TTC7B: variants seen among roughly 807,000 people sequenced by gnomAD.
TTC7B encodes the protein tetratricopeptide repeat protein 7B.
In TTC7B, 28 loss-of-function variants were observed where a neutral mutation model predicts 106.8. The ratio of observed to expected loss-of-function variants is 0.26; its 90% CI spans 0.19 to 0.36. TTC7B has a LOEUF of 0.36. Ranked by LOEUF, TTC7B falls within the 10% of genes least tolerant of loss-of-function variation. The probability of loss-of-function intolerance (pLI) is 1.00; values close to 1 mark genes in which losing one functional copy is unlikely to be tolerated. For missense variants in TTC7B, 862 were observed against 1,076.4 expected (o/e 0.80, Z 2.79); for synonymous variants, 405 against 430.6 (o/e 0.94, Z 0.74).
intron 1 of TTC7B, among the ~76,000 whole-genome samples, chr14:90,796,273 C>G (rs1478571434): frequency 6.6e-6 from 1 of 152,190 alleles, no homozygotes; most frequent in East Asian, 1.9e-4. Flanking sequence ...TCGCTTTTCT[C>G]TTGGGCATTA....
In TTC7B at chr14:90,778,506, G is replaced by C. The variant is rs141240430; in HGVS notation, c.445+2232C>G. Among the ~76,000 whole-genome samples the C allele has an allele frequency of 3.0e-3, 453 of 152,332 alleles. 5 individuals are homozygous for C. The highest frequency in any genetic ancestry group is 0.011 in the African/African-American group (443 of 41,572). ...CCCCCAAATAGGAAGCCAACTCCTG[G>C]TACAACTCACCAGCCCCAGGGCAGT... On this transcript the variant is annotated intron_variant, in intron 3 of 19. Coordinates refer to ENST00000328459, the MANE Select transcript of TTC7B (RefSeq NM_001010854.2).
chr14:90,541,710 G>A, intron 19 of TTC7B, 121 bp from the exon 20 acceptor site: 1 of 728,486 alleles, frequency 1.4e-6, no homozygotes, highest in East Asian at 2.9e-5. Context: ...CCATTGGGCT[G>A]GGCCCATAGT....
chr14:90,650,570 C>T (rs546795661), intron 13 of TTC7B, among the ~76,000 whole-genome samples: 2 of 152,260 alleles, frequency 1.3e-5, no homozygotes, highest in East Asian at 1.9e-4. Context: ...AAAGCAAGAT[C>T]GTGTACCCTG....
At chr14:90,711,832 A>C (rs1485919389) in intron 5 of TTC7B, among the ~76,000 whole-genome samples, 1 of 152,268 alleles carries the variant, frequency 6.6e-6, no homozygotes, top group Non-Finnish European at 1.5e-5. Context: ...AGAAAGGAGG[A>C]ATGAAGAATC....
Position 90,802,770 on chromosome 14 carries a change from C to A in TTC7B, c.121+13405G>T, listed in dbSNP as rs144184118. Among the ~76,000 whole-genome samples the A allele has an allele frequency of 8.5e-4, 130 of 152,148 alleles. No individual in the cohort carries two copies. The highest frequency in any genetic ancestry group is 1.6e-3 in the Non-Finnish European group (110 of 67,992). ...CTGCGCAGGTGCAGGCGTGGAGAGG[C>A]AGAGAGCCGGGTGTAACAGGGCAGG... On this transcript the variant is annotated intron_variant, in intron 1 of 19. Transcript: ENST00000328459. The surrounding 1 kb of genome is among the most constrained non-coding windows in gnomAD (Gnocchi z 4.7).
intron 18 of TTC7B, among the ~76,000 whole-genome samples, chr14:90,579,660 G>A (rs1781061365): frequency 2.6e-5 from 4 of 152,178 alleles, no homozygotes; most frequent in South Asian, 4.2e-4. Context: ...TTAGCCGGGC[G>A]TGGTGTTGCA....
At chr14:90,594,187 C>T (rs1289593905) in intron 17 of TTC7B, among the ~76,000 whole-genome samples, 1 of 152,154 alleles carries the variant, frequency 6.6e-6, no homozygotes, top group South Asian at 2.1e-4. Flanking sequence ...GAAAAAAGCA[C>T]ACTTTTGCCC....
At position 90,577,343 on chromosome 14, in the gene TTC7B, C is replaced by T. The variant is rs1891298048; in HGVS notation, c.2310+763G>A. The stretch of plus-strand genomic sequence containing the variant: ...GACTGCCGAGGCAGCTGCACTAACA[C>T]ACGTTCATAACGGACAGAACCCTCC... On this transcript the variant is annotated intron_variant, in intron 19 of 19. Coordinates refer to ENST00000328459, the MANE Select transcript of TTC7B (RefSeq NM_001010854.2). The surrounding 1 kb of genome is among the most constrained non-coding windows in gnomAD (Gnocchi z 5.0). Among the ~76,000 whole-genome samples the T allele has an allele frequency of 1.3e-5, 2 of 152,214 alleles. No individual in the cohort carries two copies. Among genetic ancestry groups the T allele is most frequent in the South Asian group, 4.1e-4 (2 of 4,830 alleles).
chr14:90,600,154 C>T lies in TTC7B; in HGVS notation c.1967-6528G>A, dbSNP rs570065294. Among the ~76,000 whole-genome samples the T allele has an allele frequency of 7.2e-4, 110 of 152,280 alleles. No homozygotes were observed. The highest frequency in any genetic ancestry group is 2.5e-3 in the African/African-American group (102 of 41,570). On this transcript the variant is annotated intron_variant, in intron 17 of 19. Transcript: ENST00000328459. This position sits in a 1 kb window ranked among gnomAD's most constrained non-coding sequence, Gnocchi z 4.3. ...GAGGCATGAGTGTCCACTCCCACTT[C>T]GGCCCTCAAAGCAGGCATATTTCTC...
intron 3 of TTC7B, among the ~76,000 whole-genome samples, chr14:90,756,463 G>C (rs1350886063): frequency 2.0e-5 from 3 of 148,718 alleles, no homozygotes; most frequent in African/African-American, 7.4e-5. Context: ...GCGCGATCTC[G>C]GCTCACTGCA....
chr14:90,575,199 C>A lies in TTC7B; in HGVS notation c.2310+2907G>T, dbSNP rs1338777823. On this transcript the variant is annotated intron_variant, in intron 19 of 19. Coordinates refer to ENST00000328459, the MANE Select transcript of TTC7B (RefSeq NM_001010854.2). This position sits in a 1 kb window ranked among gnomAD's most constrained non-coding sequence, Gnocchi z 5.2. The stretch of plus-strand genomic sequence containing the variant: ...AATCCACCTTCCGTGAGGGTAGAGA[C>A]AGAACCTTTTGTGACTTAGCAAGAG... Among the ~76,000 whole-genome samples, 1 of 152,252 alleles carries A rather than the reference C, an allele frequency of 6.6e-6. No homozygotes were observed. The highest frequency in any genetic ancestry group is 1.9e-4 in the East Asian group (1 of 5,200).
At chr14:90,557,339 C>T (rs1890360109) in intron 19 of TTC7B, among the ~76,000 whole-genome samples, 1 of 152,204 alleles carries the variant, frequency 6.6e-6, no homozygotes, top group South Asian at 2.1e-4. Flanking sequence ...CACGCTCCCA[C>T]CCCTGCTGTG....
intron 4 of TTC7B, among the ~76,000 whole-genome samples, chr14:90,731,567 C>T (rs1889330996): frequency 6.6e-6 from 1 of 152,184 alleles, no homozygotes; most frequent in South Asian, 2.1e-4. Context: ...AACCGGATCC[C>T]AGCATCTTAT....
chr14:90,653,006 T>C (rs1335570143), intron 12 of TTC7B, 108 bp from the exon 13 acceptor site: 3 of 1,171,050 alleles, frequency 2.6e-6, no homozygotes, highest in African/African-American at 3.0e-5. Flanking sequence ...AGCAACAATG[T>C]CTGAGTGCCT....
At position 90,541,484 on chromosome 14, in the gene TTC7B, C is replaced by T. The variant is rs145554922; in HGVS notation, c.2416G>A (p.Glu806Lys). 3.2e-4 allele frequency: 517 copies of T among 1,614,068 alleles called. No individual in the cohort carries two copies. The highest frequency in any genetic ancestry group is 2.3e-3 in the Middle Eastern group (14 of 6,062). Reference sequence around the variant, plus strand: ...TCGTTGCCCTGAGCTTGGAGGACCTCGCCCAGCCCGTTCCAGACCTCGTGG... The same window carrying T: ...TCGTTGCCCTGAGCTTGGAGGACCTTGCCCAGCCCGTTCCAGACCTCGTGG... The part of the protein sequence containing the change: ...TAHEVWNGLG[E>K]VLQAQGNDAA... The change falls in exon 20 of 20, where the codon GAG becomes AAG. Residue 806 changes from glutamate (E) to lysine (K), a missense_variant. Physicochemically the swap from Glu to Lys is moderately conservative, Grantham distance 56. Transcript: ENST00000328459.
chr14:90,754,663 G>A (rs541856100), intron 3 of TTC7B, among the ~76,000 whole-genome samples: 3 of 152,014 alleles, frequency 2.0e-5, no homozygotes, highest in East Asian at 1.9e-4. Context: ...TCACATAGTC[G>A]CCACTAGCTA....
At position 90,687,228 on chromosome 14, in the gene TTC7B, A is replaced by T. The variant is rs142414913; in HGVS notation, c.950+2312T>A. 2.8e-4 allele frequency among the ~76,000 whole-genome samples: 42 copies of T among 152,346 alleles called. 1 individual carries two copies. In the East Asian group the frequency reaches 8.1e-3, roughly 29 times the overall value. ...TATGTTTCAATAAAACAGTTTTTTT[A>T]AAAGCTGATCACGTGTATCCATGTG... On this transcript the variant is annotated intron_variant, in intron 7 of 19. Transcript: ENST00000328459.
At chr14:90,638,202 G>A (rs929827170) in intron 15 of TTC7B, among the ~76,000 whole-genome samples, 2 of 152,016 alleles carry the variant, frequency 1.3e-5, no homozygotes, top group Non-Finnish European at 2.9e-5. Context: ...ATTCTTAATG[G>A]TAAAACATTG....
Position 90,531,066 on chromosome 14 carries a change from A to G in TTC7B, c.*10302T>C, listed in dbSNP as rs1366183792. The G allele has an allele frequency of 6.6e-6, 1 of 152,200 alleles. No individual in the cohort carries two copies. The highest frequency in any genetic ancestry group is 2.4e-5 in the African/African-American group (1 of 41,454). The allele number at this position is 152,200 out of a possible 1,614,324, so 9.4% of individuals were successfully genotyped here. A position where few individuals can be genotyped will look rare whatever the true frequency, so the allele number is the denominator to read the frequency against. On this transcript the variant is annotated 3_prime_UTR_variant, in exon 20 of 20. Coordinates refer to ENST00000328459, the MANE Select transcript of TTC7B (RefSeq NM_001010854.2). ...ATATAATTTTAATATTAATAGCTGA[A>G]AATGTAAAGAGTTTTGTATTCAGTT...
Sources: allele counts gnomAD v4.1 joint callset (sites outside exome capture counted in the v4.1 genomes callset), GRCh38; gene constraint gnomAD v4.1.1; non-coding constraint Gnocchi (gnomAD v3.1); transcripts MANE v1.5; gene names NCBI Gene and HGNC (gene_info 2026-07-23, HGNC 2026-07-21).